DAB2IP: variants seen among roughly 807,000 people sequenced by gnomAD.
DAB2IP encodes the protein DAB2 interacting protein.
Under a neutral mutation model 107.2 loss-of-function variants are expected in DAB2IP, and 28 were observed. The ratio of observed to expected loss-of-function variants is 0.26; its 90% confidence interval spans 0.19 to 0.36. The LOEUF (loss-of-function observed/expected upper bound fraction) is 0.36, where lower values mean the gene tolerates loss of function less well. Among genes scored for constraint, DAB2IP ranks in the 10% least tolerant of loss-of-function variants. The pLI, the probability that DAB2IP is intolerant of heterozygous loss-of-function variation, is 1.00. For synonymous variants in DAB2IP, 755 were observed against 706.4 expected, an observed-to-expected ratio of 1.07 and a Z score of -1.09; for missense variants, 1,400 against 1,644.7, an observed-to-expected ratio of 0.85 and a Z score of 2.57.
chr9:121,760,734 CCT>C lies in DAB2IP; in HGVS notation c.1170+296_1170+297del, dbSNP rs1833824955. Among the ~76,000 whole-genome samples the C allele has an allele frequency of 6.6e-6, 1 of 152,116 alleles. No homozygotes were observed. Among genetic ancestry groups the C allele is most frequent in the African/African-American group, 2.4e-5 (1 of 41,412 alleles). On this transcript the variant is annotated intron_variant, in intron 6 of 15. Transcript: ENST00000408936. The surrounding 1 kb of genome is among the most constrained non-coding windows in gnomAD (Gnocchi z 5.9). ...CACCACTGCTGCAGAGGACCGACCC[CCT>C]GAGGCGCCAGGGGAACAGGCTGGGT...
chr9:121,699,707 C>G lies in DAB2IP; in HGVS notation c.362+249C>G, dbSNP rs578113011. On this transcript the variant is annotated intron_variant, in intron 3 of 15. Coordinates refer to ENST00000408936, the Ensembl canonical transcript of DAB2IP. This position sits in a 1 kb window ranked among gnomAD's most constrained non-coding sequence, Gnocchi z 6.2. ...CAGAGGGTGCCCGCGGCGGCCCGGGCGAGGCCGGGCGCGAAGTCCCCTCGC... is the reference window on the plus strand; with the variant it reads ...CAGAGGGTGCCCGCGGCGGCCCGGGGGAGGCCGGGCGCGAAGTCCCCTCGC... Among the ~76,000 whole-genome samples, 2 of 152,032 alleles carry G rather than the reference C, an allele frequency of 1.3e-5. No individual in the cohort carries two copies. Among genetic ancestry groups the G allele is most frequent in the Non-Finnish European group, 2.9e-5 (2 of 67,970 alleles).
chr9:121,574,474 GC>G (rs1830013916), intron 1 of DAB2IP, among the ~76,000 whole-genome samples: 1 of 152,120 alleles, frequency 6.6e-6, no homozygotes, highest in Non-Finnish European at 1.5e-5. Flanking sequence ...CATACCTGGA[GC>G]CCTTCTATAA....
intron 1 of DAB2IP, among the ~76,000 whole-genome samples, chr9:121,625,614 T>G (rs1204681920): frequency 2.0e-5 from 3 of 150,764 alleles, no homozygotes; most frequent in Non-Finnish European, 2.9e-5. Flanking sequence ...TTGCAGTGAG[T>G]AGGTTTTGGA....
chr9:121,598,002 C>T (rs1483498157), intron 1 of DAB2IP, among the ~76,000 whole-genome samples: 2 of 152,190 alleles, frequency 1.3e-5, no homozygotes, highest in Non-Finnish European at 2.9e-5. Flanking sequence ...AAGGGTGAGA[C>T]AGTAGATGGA....
chr9:121,622,577 G>A (rs576182329), intron 1 of DAB2IP, among the ~76,000 whole-genome samples: 68 of 152,290 alleles, frequency 4.5e-4, no homozygotes, highest in Admixed American at 1.1e-3. Context: ...CTGCCCTCGT[G>A]TCGGGGCTCT....
chr9:121,570,923 C>T (rs533051233), intron 1 of DAB2IP, among the ~76,000 whole-genome samples: 1 of 152,168 alleles, frequency 6.6e-6, no homozygotes, highest in Admixed American at 6.5e-5. Flanking sequence ...GCTCTCTCTC[C>T]TGCTGCTGCC....
chr9:121,663,855 A>G (rs1833306531), intron 1 of DAB2IP, among the ~76,000 whole-genome samples: 1 of 152,228 alleles, frequency 6.6e-6, no homozygotes, highest in African/African-American at 2.4e-5. Context: ...ATCTCTGCAC[A>G]GTGCCATTCC....
chr9:121,569,799 C>T (rs947109912), intron 1 of DAB2IP, among the ~76,000 whole-genome samples: 6 of 152,176 alleles, frequency 3.9e-5, no homozygotes, highest in Non-Finnish European at 5.9e-5. Flanking sequence ...CCAGCCTGGG[C>T]GACAGAGAGC....
chr9:121,590,338 C>T (rs1830400721), intron 1 of DAB2IP, among the ~76,000 whole-genome samples: 2 of 151,498 alleles, frequency 1.3e-5, no homozygotes, highest in South Asian at 2.1e-4. Context: ...GTCTTGTGGG[C>T]CTGGGTCTTC....
intron 1 of DAB2IP, among the ~76,000 whole-genome samples, chr9:121,579,577 C>G (rs1289808422): frequency 1.3e-5 from 2 of 152,118 alleles, no homozygotes; most frequent in African/African-American, 4.8e-5. Flanking sequence ...CGGTACCACC[C>G]AGACCAGGGG....
intron 1 of DAB2IP, among the ~76,000 whole-genome samples, chr9:121,652,416 G>A (rs991540609): frequency 7.9e-5 from 12 of 152,194 alleles, no homozygotes; most frequent in Admixed American, 2.6e-4. Flanking sequence ...ATCAAGCTCA[G>A]GAGGCAGGAC....
intron 1 of DAB2IP, among the ~76,000 whole-genome samples, chr9:121,609,098 C>A (rs760044537): frequency 6.6e-5 from 10 of 152,206 alleles, no homozygotes; most frequent in Non-Finnish European, 1.2e-4. Flanking sequence ...TGTGCCATCA[C>A]GGCCAGCTAT....
chr9:121,648,575 A>G (rs1832624855), upstream of DAB2IP, among the ~76,000 whole-genome samples: 1 of 151,994 alleles, frequency 6.6e-6, no homozygotes, highest in South Asian at 2.1e-4. Context: ...CAGTCCTAGT[A>G]CCCACACCCC....
chr9:121,717,786 C>T (rs141945129), intron 3 of DAB2IP, among the ~76,000 whole-genome samples: 1 of 152,334 alleles, frequency 6.6e-6, no homozygotes, highest in East Asian at 1.9e-4. Flanking sequence ...TCCCCTCCCC[C>T]TCCAGTCCTG....
chr9:121,772,745 G>A lies in DAB2IP; in HGVS notation c.2217G>A (p.Met739Ile). 6.2e-7 allele frequency: 1 copy of A among 1,613,966 alleles called. No homozygotes were observed. The highest frequency in any genetic ancestry group is 8.5e-7 in the Non-Finnish European group (1 of 1,180,010). Residue 739 changes from methionine to isoleucine, a missense_variant, in exon 12 of 16, where the codon ATG becomes ATA. Coordinates refer to ENST00000408936, the Ensembl canonical transcript of DAB2IP. This position sits in a 1 kb window ranked among gnomAD's most constrained non-coding sequence, Gnocchi z 4.7. ...AAGCCAACGAGCCTGATCTTCAGATGGCCAACGGTGGCAAGAGCCTCTCCA... is the reference window on the plus strand; with the variant it reads ...AAGCCAACGAGCCTGATCTTCAGATAGCCAACGGTGGCAAGAGCCTCTCCA...
exon 12 of DAB2IP, chr9:121,773,465 A>G (rs1250004022): frequency 6.6e-7 from 1 of 1,521,754 alleles, no homozygotes; most frequent in African/African-American, 1.4e-5. Context: ...GGGACAGCCC[A>G]GAACTGAAGC....
In DAB2IP at chr9:121,772,939, G is replaced by A; in HGVS notation, c.2411G>A (p.Gly804Asp). The change falls in exon 12 of 16, where the codon GGC (glycine) becomes GAC (aspartate). Residue 804 changes from glycine to aspartate, a missense_variant. By Grantham distance (94) the Gly-to-Asp change is moderately conservative (BLOSUM62 -1). Transcript: ENST00000408936. The surrounding 1 kb of genome is among the most constrained non-coding windows in gnomAD (Gnocchi z 4.7). The stretch of plus-strand genomic sequence containing the variant: ...GGGCTGGCCACGGTGCGGCGGGCAG[G>A]CCAGACACCAACCACACCAGGCACC... 1 of 1,565,672 alleles carries A rather than the reference G, an allele frequency of 6.4e-7. No homozygotes were observed. Among genetic ancestry groups the A allele is most frequent in the East Asian group, 2.2e-5 (1 of 44,474 alleles).
intron 13 of DAB2IP, 31 bp downstream of exon 13, chr9:121,774,443 G>T (rs1394580791): frequency 2.6e-6 from 4 of 1,565,784 alleles, no homozygotes; most frequent in South Asian, 1.2e-5. Context: ...CTCGGGACAG[G>T]GCGGGGCTGC....
chr9:121,756,980 G>A, intron 3 of DAB2IP, 33 bp from the exon 4 acceptor site: 2 of 1,612,926 alleles, frequency 1.2e-6, no homozygotes, highest in Non-Finnish European at 1.7e-6. Flanking sequence ...CCGGGCTGTG[G>A]GGGCCCACCT....
Sources: gnomAD v4.1 joint callset for allele counts (sites outside exome capture counted in the v4.1 genomes callset) on GRCh38, gnomAD v4.1.1 for gene constraint, Gnocchi (gnomAD v3.1) non-coding constraint, MANE v1.5 for transcripts, NCBI Gene and HGNC (gene_info 2026-07-23, HGNC 2026-07-21) for gene names.